HDDC2: variants seen among roughly 807,000 people sequenced by gnomAD.
HDDC2 encodes HD domain containing 2.
HDDC2 carries 25 observed loss-of-function variants against 25.5 expected under a neutral mutation model. The ratio of observed to expected loss-of-function variants is 0.98; its 90% CI spans 0.72 to 1.37. The LOEUF (loss-of-function observed/expected upper bound fraction) is 1.37, where lower values mean the gene tolerates loss of function less well. HDDC2 is among the 40% of genes most tolerant of loss of function. HDDC2 has a pLI of 0.00. For missense variants in HDDC2, 264 were observed against 253.1 expected, an observed-to-expected ratio of 1.04 and a Z score of -0.29; for synonymous variants, 106 against 89.7, an observed-to-expected ratio of 1.18 and a Z score of -1.03.
chr6:125,297,765 A>G (rs1239227737), intron 3 of HDDC2, among the ~76,000 whole-genome samples: 3 of 152,154 alleles, frequency 2.0e-5, no homozygotes, highest in African/African-American at 7.2e-5. Context: ...TGAATTGAAA[A>G]CCAACCACTC....
rs368001352 is a variant in HDDC2, at chr6:125,300,540, G to A, written c.204C>T (p.Asp68=). 3 of 1,613,502 alleles carry A rather than the reference G, an allele frequency of 1.9e-6. No individual in the cohort carries two copies. Among genetic ancestry groups the A allele is most frequent in the Non-Finnish European group, 2.5e-6 (3 of 1,179,824 alleles). ...CATCAAAGTCCAGCTCAGCTTACCGGTCTTTGTTAAGACGGTCATCTTTGA... is the reference window on the plus strand; with the variant it reads ...CATCAAAGTCCAGCTCAGCTTACCGATCTTTGTTAAGACGGTCATCTTTGA... ...MVIKDDRLNK[D]RCVRLALVHD... is the part of the protein sequence containing the mutation. The change falls in exon 2 of 6, where the codon GAC becomes GAT. Residue 68 remains aspartate (D), a splice_region_variant and synonymous_variant. Coordinates refer to ENST00000398153, the MANE Select transcript of HDDC2 (RefSeq NM_016063.3).
intron 4 of HDDC2, among the ~76,000 whole-genome samples, chr6:125,284,329 AAAG>A (rs1451719734): frequency 6.6e-6 from 1 of 152,206 alleles, no homozygotes; most frequent in Non-Finnish European, 1.5e-5. Context: ...TAATTAAACT[AAAG>A]AGCTTCTGCA....
chr6:125,287,758 G>A (rs374681764), intron 4 of HDDC2, among the ~76,000 whole-genome samples: 2 of 152,244 alleles, frequency 1.3e-5, no homozygotes, highest in East Asian at 1.9e-4. Flanking sequence ...GGTTGAAGGA[G>A]GGGAACATTT....
chr6:125,298,680 G>C, intron 3 of HDDC2, 34 bp downstream of exon 3: 1 of 1,522,902 alleles, frequency 6.6e-7, no homozygotes, highest in Non-Finnish European at 9.1e-7. Context: ...GGTTTTTCTG[G>C]TGGTTTTTTG....
At chr6:125,277,061 C>T in intron 5 of HDDC2, 41 bp downstream of exon 5, 1 of 1,610,144 alleles carries the variant, frequency 6.2e-7, no homozygotes, top group Non-Finnish European at 8.5e-7. Flanking sequence ...ACTGAGTAAG[C>T]CAAACTAAAA....
chr6:125,296,376 G>A (rs1798706396), intron 3 of HDDC2, among the ~76,000 whole-genome samples: 1 of 152,058 alleles, frequency 6.6e-6, no homozygotes, highest in African/African-American at 2.4e-5. Context: ...CTTTAGTTTA[G>A]AGGCTCACTG....
intron 4 of HDDC2, among the ~76,000 whole-genome samples, chr6:125,284,181 T>C (rs1473604069): frequency 1.6e-4 from 25 of 152,202 alleles, no homozygotes; most frequent in Admixed American, 1.6e-3. Flanking sequence ...ATTAAAGATT[T>C]AAACGTAAGA....
At chr6:125,293,961 GCTTTCTGTACTTTCTGGT>G (rs1307568599) in intron 3 of HDDC2, among the ~76,000 whole-genome samples, 1 of 152,156 alleles carries the variant, frequency 6.6e-6, no homozygotes, top group Non-Finnish European at 1.5e-5. Flanking sequence ...GTACTTCTAG[GCTTTCTGTACTTTCTGGT>G]CTCAAAGATC....
chr6:125,295,565 C>T (rs1178267721), intron 3 of HDDC2, among the ~76,000 whole-genome samples: 2 of 152,178 alleles, frequency 1.3e-5, no homozygotes, highest in Non-Finnish European at 2.9e-5. Flanking sequence ...AGTTAATACA[C>T]ATATAAAGTG....
chr6:125,284,108 A>G (rs1041261732), intron 4 of HDDC2, among the ~76,000 whole-genome samples: 1 of 152,228 alleles, frequency 6.6e-6, no homozygotes, highest in Non-Finnish European at 1.5e-5. Context: ...CTGGCTAGTC[A>G]TATGCAGAAA....
Position 125,275,927 on chromosome 6 carries a change from G to A in HDDC2, c.*219C>T. ...TTTATTTAGTTCATAAACAGGCACT[G>A]CCACCTCCAGTGTTCATCCATGGCA... On this transcript the variant is annotated 3_prime_UTR_variant, in exon 6 of 6. Transcript: ENST00000398153. The A allele has an allele frequency of 1.9e-6, 1 of 524,602 alleles. No individual in the cohort carries two copies. Among genetic ancestry groups the A allele is most frequent in the South Asian group, 3.0e-5 (1 of 33,222 alleles). The allele number at this position is 524,602 out of a possible 1,614,324, so 32.5% of individuals were successfully genotyped here.
chr6:125,276,300 C>G (rs1028707227), intron 5 of HDDC2, 57 bp from the exon 6 acceptor site: 4 of 1,303,912 alleles, frequency 3.1e-6, no homozygotes, highest in Admixed American at 1.7e-5. Context: ...AGAGTATATT[C>G]ATTTCCCCAG....
chr6:125,292,089 TGAA>T (rs1244479940), intron 4 of HDDC2, among the ~76,000 whole-genome samples: 2 of 152,002 alleles, frequency 1.3e-5, no homozygotes, highest in African/African-American at 2.4e-5. Flanking sequence ...ATATGGACTT[TGAA>T]GAAGATGTGA....
chr6:125,292,866 C>A lies in HDDC2; in HGVS notation c.353G>T (p.Arg118Ile), dbSNP rs1798651833. Residue 118 changes from arginine (R) to isoleucine (I), a missense_variant, in exon 4 of 6, where the codon AGA becomes ATA. Arg to Ile is a moderately conservative substitution (Grantham distance 97). Transcript: ENST00000398153. ...TTCCCAAAGTTCATAGAGCTCCTTT[C>A]TGAGGTCCTCTGGTAGGAGCTGGGT... ...QITQLLPEDLRKELYELWEEY... is the reference protein window; with the variant it reads ...QITQLLPEDLIKELYELWEEY... 6.2e-7 allele frequency: 1 copy of A among 1,613,184 alleles called. No individual in the cohort carries two copies. Among genetic ancestry groups the A allele is most frequent in the African/African-American group, 1.3e-5 (1 of 75,024 alleles).
intron 4 of HDDC2, chr6:125,278,844 G>A (rs1217168653): frequency 6.6e-6 from 1 of 152,136 alleles, no homozygotes; most frequent in Non-Finnish European, 1.5e-5. Context: ...TAAGGATAAA[G>A]AAGTGAACTA....
intron 4 of HDDC2, among the ~76,000 whole-genome samples, chr6:125,282,582 C>G (rs114033209): frequency 1.3e-5 from 2 of 152,106 alleles, no homozygotes; most frequent in African/African-American, 4.8e-5. Flanking sequence ...CAAAGAACAT[C>G]GACACTATAA....
At chr6:125,276,860 T>C (rs932773597) in intron 5 of HDDC2, 6 of 511,952 alleles carry the variant, frequency 1.2e-5, no homozygotes, top group Non-Finnish European at 2.1e-5. Flanking sequence ...ACATCTCTTC[T>C]CTCACCGTCT....
chr6:125,294,040 C>T (rs1798668948), intron 3 of HDDC2, among the ~76,000 whole-genome samples: 1 of 152,174 alleles, frequency 6.6e-6, no homozygotes, highest in Non-Finnish European at 1.5e-5. Context: ...TGAGTTACTC[C>T]AGTATCCTTC....
At chr6:125,279,733 C>T (rs985250187) in intron 4 of HDDC2, among the ~76,000 whole-genome samples, 3 of 151,954 alleles carry the variant, frequency 2.0e-5, no homozygotes, top group Admixed American at 6.6e-5. Context: ...AAACTAATTG[C>T]CAATCAAAAT....
Sources: gnomAD v4.1 joint callset for allele counts (sites outside exome capture counted in the v4.1 genomes callset) on GRCh38, gnomAD v4.1.1 for gene constraint, MANE v1.5 for transcripts, NCBI Gene and HGNC (gene_info 2026-07-23, HGNC 2026-07-21) for gene names.